The following WWC2 variants were observed in gnomAD, a reference collection of about 807,000 sequenced individuals.
WWC2 encodes the protein protein WWC2.
WWC2 carries 101 observed loss-of-function variants against 138.5 expected under a neutral mutation model. The observed-to-expected ratio is 0.73, with a 90% CI of 0.62 to 0.86. The LOEUF (loss-of-function observed/expected upper bound fraction) is 0.86, where lower values mean the gene tolerates loss of function less well. Ranked by LOEUF, WWC2 falls within the 40% of genes least tolerant of loss-of-function variation. WWC2 has a pLI of 0.00. For missense variants in WWC2, 1,420 were observed against 1,419.4 expected, an observed-to-expected ratio of 1.00 and a Z score of -0.01; for synonymous variants, 558 against 538.4, an observed-to-expected ratio of 1.04 and a Z score of -0.50.
At chr4:183,195,594 A>G (rs561762727) in intron 2 of WWC2, among the ~76,000 whole-genome samples, 23 of 152,332 alleles carry the variant, frequency 1.5e-4, no homozygotes, top group Non-Finnish European at 2.9e-4. Flanking sequence ...CTATTAATAA[A>G]TGATTCTTTT....
chr4:183,146,785 T>C (rs1256791483), intron 1 of WWC2, among the ~76,000 whole-genome samples: 1 of 152,134 alleles, frequency 6.6e-6, no homozygotes, highest in Non-Finnish European at 1.5e-5. Flanking sequence ...GTCTGAGAAA[T>C]GAGTTGGTGA....
intron 1 of WWC2, among the ~76,000 whole-genome samples, chr4:183,137,797 C>T (rs2111087780): frequency 6.6e-6 from 1 of 152,270 alleles, no homozygotes; most frequent in Non-Finnish European, 1.5e-5. Flanking sequence ...CCGTGCCTGG[C>T]CTATAGTCTT....
intron 1 of WWC2, among the ~76,000 whole-genome samples, chr4:183,137,019 A>G (rs1306113191): frequency 6.6e-6 from 1 of 152,184 alleles, no homozygotes; most frequent in Admixed American, 6.5e-5. Context: ...CAACATATCT[A>G]AACATAGAAA....
At chr4:183,274,329 C>T (rs970245514) in intron 16 of WWC2, among the ~76,000 whole-genome samples, 5 of 152,320 alleles carry the variant, frequency 3.3e-5, no homozygotes, top group African/African-American at 1.2e-4. Flanking sequence ...GTCATCATAA[C>T]AGTTCTAAGT....
chr4:183,205,097 A>C (rs1475786331), intron 2 of WWC2, among the ~76,000 whole-genome samples: 2 of 152,192 alleles, frequency 1.3e-5, no homozygotes, highest in Non-Finnish European at 2.9e-5. Flanking sequence ...TCTTGGGTAA[A>C]TAACAAGTTG....
intron 1 of WWC2, among the ~76,000 whole-genome samples, chr4:183,112,512 A>G (rs1732266383): frequency 6.6e-6 from 1 of 152,212 alleles, no homozygotes; most frequent in South Asian, 2.1e-4. Flanking sequence ...TACTTTACTG[A>G]CTTCACCACC....
At chr4:183,119,906 C>G (rs1732546675) in intron 1 of WWC2, among the ~76,000 whole-genome samples, 1 of 152,126 alleles carries the variant, frequency 6.6e-6, no homozygotes, top group African/African-American at 2.4e-5. Flanking sequence ...GTTCTTTACT[C>G]TGATATACAT....
In WWC2 at chr4:183,312,190, T is replaced by C. The variant is rs2111122829; in HGVS notation, c.3385-151T>C. On this transcript the variant is annotated intron_variant, in intron 21 of 22. Coordinates refer to ENST00000403733, the MANE Select transcript of WWC2 (RefSeq NM_024949.6). The stretch of plus-strand genomic sequence containing the variant: ...ATGAGTTGGTCATGTGGGTGTTGGC[T>C]CCTGATGGGTGATAAAAAGGACACC... The C allele has an allele frequency of 3.2e-6, 3 of 940,642 alleles. No homozygotes were observed. In the South Asian group the frequency reaches 4.7e-5, roughly 15 times the overall value. 58.3% of individuals were successfully genotyped at this position (940,642 alleles called of 1,614,324 possible).
chr4:183,287,473 CG>C (rs1560888025), intron 20 of WWC2, among the ~76,000 whole-genome samples: 1 of 152,060 alleles, frequency 6.6e-6, no homozygotes, highest in Non-Finnish European at 1.5e-5. Context: ...GTTTATGAAT[CG>C]AGTGGAGTTG....
chr4:183,237,207 T>C (rs968338437), intron 4 of WWC2, among the ~76,000 whole-genome samples: 1 of 152,186 alleles, frequency 6.6e-6, no homozygotes, highest in Non-Finnish European at 1.5e-5. Flanking sequence ...CCTAGGTATT[T>C]TATTTTATTT....
At chr4:183,165,993 T>A (rs1304283712) in intron 1 of WWC2, among the ~76,000 whole-genome samples, 2 of 152,220 alleles carry the variant, frequency 1.3e-5, no homozygotes, top group Non-Finnish European at 2.9e-5. Context: ...AATGTGTGCT[T>A]GTGATGAAGA....
intron 1 of WWC2, among the ~76,000 whole-genome samples, chr4:183,156,175 G>A (rs939333922): frequency 4.6e-5 from 7 of 151,370 alleles, no homozygotes; most frequent in Non-Finnish European, 8.8e-5. Context: ...TACAGGTGCC[G>A]CTACCACACC....
chr4:183,126,857 TA>T (rs1245837095), intron 1 of WWC2, among the ~76,000 whole-genome samples: 1 of 151,566 alleles, frequency 6.6e-6, no homozygotes, highest in East Asian at 1.9e-4. Flanking sequence ...GCCTCCTGAG[TA>T]ACTGGGACTA....
intron 11 of WWC2, among the ~76,000 whole-genome samples, chr4:183,262,792 G>T (rs113712034): frequency 1.4e-5 from 2 of 147,426 alleles, no homozygotes; most frequent in Admixed American, 6.7e-5. Context: ...GCGTGCGTGC[G>T]TGTGTGTGTG....
chr4:183,161,680 G>A (rs768476950), intron 1 of WWC2, among the ~76,000 whole-genome samples: 1 of 152,010 alleles, frequency 6.6e-6, no homozygotes, highest in Non-Finnish European at 1.5e-5. Flanking sequence ...ACTTACCATT[G>A]CGTTACAGTT....
chr4:183,319,653 G>C lies in WWC2; in HGVS notation c.*3924G>C, dbSNP rs1739567690. The C allele has an allele frequency of 6.2e-7, 1 of 1,614,000 alleles. No individual in the cohort carries two copies. Among genetic ancestry groups the C allele is most frequent in the African/African-American group, 1.3e-5 (1 of 74,890 alleles). ...GCCCGAAGCTAGGGGAGCGTGGCTGGAGCAGGCTGCACAGTGGAGCAGACA... is the reference window on the plus strand; with the variant it reads ...GCCCGAAGCTAGGGGAGCGTGGCTGCAGCAGGCTGCACAGTGGAGCAGACA... On this transcript the variant is annotated 3_prime_UTR_variant, in exon 23 of 23. Coordinates refer to ENST00000403733, the MANE Select transcript of WWC2 (RefSeq NM_024949.6).
At chr4:183,165,300 G>A (rs958104321) in intron 1 of WWC2, among the ~76,000 whole-genome samples, 4 of 152,122 alleles carry the variant, frequency 2.6e-5, no homozygotes, top group Non-Finnish European at 5.9e-5. Flanking sequence ...GTGGAAAGCT[G>A]AGTTGGGAAG....
chr4:183,205,292 C>A (rs1219371918), intron 2 of WWC2, among the ~76,000 whole-genome samples: 1 of 152,158 alleles, frequency 6.6e-6, no homozygotes, highest in African/African-American at 2.4e-5. Flanking sequence ...ATAGTTTTGA[C>A]TTGTATTTCG....
At chr4:183,159,897 A>T (rs1733911744) in intron 1 of WWC2, among the ~76,000 whole-genome samples, 1 of 152,054 alleles carries the variant, frequency 6.6e-6, no homozygotes, top group Non-Finnish European at 1.5e-5. Flanking sequence ...CATTATTTCA[A>T]TAAGAATTGA....
Sources: gnomAD v4.1 joint callset for allele counts (sites outside exome capture counted in the v4.1 genomes callset) on GRCh38, gnomAD v4.1.1 for gene constraint, MANE v1.5 for transcripts, NCBI Gene and HGNC (gene_info 2026-07-23, HGNC 2026-07-21) for gene names.